Variants in SHISAL1 observed in about 807,000 individuals in gnomAD.
SHISAL1 encodes shisa like 1, also known as protein shisa-like-1.
SHISAL1 carries 9 observed loss-of-function variants against 22.6 expected under a neutral mutation model. The ratio of observed to expected loss-of-function variants is 0.40; its 90% CI spans 0.24 to 0.70. SHISAL1 has a LOEUF of 0.70. SHISAL1 is among the 30% of genes least tolerant of loss of function. The pLI is 0.39. For synonymous variants in SHISAL1, 119 were observed against 115.4 expected (o/e 1.03, Z -0.20); for missense variants, 246 against 270.6 (o/e 0.91, Z 0.64).
intron 4 of SHISAL1, among the ~76,000 whole-genome samples, chr22:44,266,276 G>C (rs1383853785): frequency 3.3e-5 from 5 of 152,210 alleles, no homozygotes; most frequent in Non-Finnish European, 7.3e-5. Context: ...ATTCAAAGCA[G>C]GGCTGCGGAG....
At chr22:44,274,533 T>C (rs1343076163) in intron 4 of SHISAL1, among the ~76,000 whole-genome samples, 3 of 152,170 alleles carry the variant, frequency 2.0e-5, no homozygotes, top group Non-Finnish European at 4.4e-5. Flanking sequence ...CTGGGATTGG[T>C]GTTATTTATC....
intron 4 of SHISAL1, among the ~76,000 whole-genome samples, chr22:44,267,015 G>A (rs559567423): frequency 4.6e-5 from 7 of 152,274 alleles, no homozygotes; most frequent in South Asian, 2.1e-4. Flanking sequence ...TATGCCCAGC[G>A]GCTTCTGGCA....
chr22:44,303,540 AG>A (rs1391150694), intron 1 of SHISAL1, among the ~76,000 whole-genome samples: 53 of 152,300 alleles, frequency 3.5e-4, no homozygotes, highest in Non-Finnish European at 4.4e-5. Flanking sequence ...GCGAACCCCC[AG>A]GAACAGATTC....
At chr22:44,286,033 T>A (rs925957374) in intron 3 of SHISAL1, among the ~76,000 whole-genome samples, 2 of 152,142 alleles carry the variant, frequency 1.3e-5, no homozygotes, top group African/African-American at 4.8e-5. Context: ...TCAGACACTT[T>A]GGGGGGAATT....
At chr22:44,286,858 G>A (rs180983394) in intron 3 of SHISAL1, among the ~76,000 whole-genome samples, 1 of 152,208 alleles carries the variant, frequency 6.6e-6, no homozygotes, top group African/African-American at 2.4e-5. Flanking sequence ...TGAAGCCACC[G>A]ATCTGTTAAT....
intron 2 of SHISAL1, among the ~76,000 whole-genome samples, chr22:44,299,658 C>T (rs1427146090): frequency 1.3e-5 from 2 of 151,860 alleles, no homozygotes; most frequent in African/African-American, 4.8e-5. Flanking sequence ...AGGCCAGTGT[C>T]AGTGACCCTG....
chr22:44,331,063 C>A, the SHISAL1 span, among the ~76,000 whole-genome samples: 1 of 152,114 alleles, frequency 6.6e-6, no homozygotes, highest in African/African-American at 2.4e-5. This position sits in a 1 kb window ranked among gnomAD's most constrained non-coding sequence, Gnocchi z 5.2. Context: ...CCAGTCCCCC[C>A]CTTGGACGCG....
intron 4 of SHISAL1, among the ~76,000 whole-genome samples, chr22:44,275,775 C>G (rs1412282170): frequency 1.3e-5 from 2 of 152,210 alleles, no homozygotes; most frequent in African/African-American, 4.8e-5. Flanking sequence ...GATGGCCAAG[C>G]TGCAGTGCAG....
chr22:44,251,259 T>C (rs1460625704), intron 4 of SHISAL1, among the ~76,000 whole-genome samples: 1 of 152,198 alleles, frequency 6.6e-6, no homozygotes, highest in African/African-American at 2.4e-5. Context: ...AATAAATATT[T>C]GTCAAATGAA....
rs2054993386 is a variant in SHISAL1 at position 44,245,631 on chromosome 22, A to C, written c.*4054T>G. On this transcript the variant is annotated 3_prime_UTR_variant, in exon 5 of 5. Coordinates refer to ENST00000381176, the MANE Select transcript of SHISAL1 (RefSeq NM_001099294.2). ...GCGGAGGGGCCTGCCTGGGGATGGC[A>C]GCTGGAATCCTGAGCCAACCTGGAC... The C allele has an allele frequency of 6.6e-6, 1 of 152,628 alleles. No homozygotes were observed. The highest frequency in any genetic ancestry group is 6.5e-5 in the Admixed American group (1 of 15,294). 9.5% of individuals were successfully genotyped at this position (152,628 alleles called of 1,614,324 possible).
At chr22:44,261,811 C>T (rs553318156) in intron 4 of SHISAL1, among the ~76,000 whole-genome samples, 1 of 152,366 alleles carries the variant, frequency 6.6e-6, no homozygotes, top group Non-Finnish European at 1.5e-5. Flanking sequence ...ACTCGCCTGC[C>T]CTGATGCGGG....
the SHISAL1 span, among the ~76,000 whole-genome samples, chr22:44,328,178 C>T: frequency 6.6e-6 from 1 of 152,162 alleles, no homozygotes; most frequent in Admixed American, 6.5e-5. Context: ...GAAAGTGAGA[C>T]TGCGGGGCCC....
intron 3 of SHISAL1, among the ~76,000 whole-genome samples, chr22:44,289,661 G>T (rs1270401999): frequency 2.0e-5 from 3 of 152,220 alleles, no homozygotes; most frequent in African/African-American, 7.2e-5. Flanking sequence ...CCACCCTGGA[G>T]GTGGCAGGCG....
the SHISAL1 span, among the ~76,000 whole-genome samples, chr22:44,318,987 A>C: frequency 6.6e-6 from 1 of 152,364 alleles, no homozygotes; most frequent in Middle Eastern, 3.4e-3. Context: ...AGCGTGGCTA[A>C]GGATGGAGGC....
At chr22:44,299,309 A>ACAGCT (rs2055409627) in intron 2 of SHISAL1, among the ~76,000 whole-genome samples, 1 of 152,224 alleles carries the variant, frequency 6.6e-6, no homozygotes, top group African/African-American at 2.4e-5. Context: ...CCCTGTGTGC[A>ACAGCT]CAGCTCCACG....
At chr22:44,305,471 G>A (rs1668825884) in intron 1 of SHISAL1, among the ~76,000 whole-genome samples, 2 of 152,246 alleles carry the variant, frequency 1.3e-5, no homozygotes, top group Admixed American at 1.3e-4. Flanking sequence ...TATGCCTCTG[G>A]GGGACAGTTC....
the SHISAL1 span, among the ~76,000 whole-genome samples, chr22:44,324,935 T>C: frequency 1.3e-5 from 2 of 152,152 alleles, no homozygotes; most frequent in African/African-American, 4.8e-5. Context: ...GCTTGAACAA[T>C]TTAAACAGCA....
At chr22:44,279,495 G>A (rs2055262105) in intron 4 of SHISAL1, among the ~76,000 whole-genome samples, 1 of 152,258 alleles carries the variant, frequency 6.6e-6, no homozygotes, top group South Asian at 2.1e-4. Flanking sequence ...TGGCTGCAGA[G>A]CCAGGAAGAA....
intron 2 of SHISAL1, among the ~76,000 whole-genome samples, chr22:44,298,352 CG>C (rs1350964351): frequency 6.6e-6 from 1 of 152,222 alleles, no homozygotes; most frequent in Non-Finnish European, 1.5e-5. Flanking sequence ...AGGGCATCCC[CG>C]GAGGGCTTGT....
Sources: gnomAD v4.1 joint callset for allele counts (sites outside exome capture counted in the v4.1 genomes callset) on GRCh38, gnomAD v4.1.1 for gene constraint, Gnocchi (gnomAD v3.1) non-coding constraint, MANE v1.5 for transcripts, NCBI Gene and HGNC (gene_info 2026-07-23, HGNC 2026-07-21) for gene names.